DPP10: variants seen among roughly 807,000 people sequenced by gnomAD.
DPP10 encodes the protein dipeptidyl peptidase like 10.
Under a neutral mutation model 120.9 loss-of-function variants are expected in DPP10, and 33 were observed. The ratio of observed to expected loss-of-function variants is 0.27; its 90% CI spans 0.21 to 0.37. The LOEUF is 0.37. DPP10 is among the 10% of genes least tolerant of loss of function. The probability of loss-of-function intolerance (pLI) is 1.00; values close to 1 mark genes in which losing one functional copy is unlikely to be tolerated. For synonymous variants in DPP10, 337 were observed against 326.1 expected, an observed-to-expected ratio of 1.03 and a Z score of -0.36; for missense variants, 816 against 942.8, an observed-to-expected ratio of 0.87 and a Z score of 1.76.
intron 1 of DPP10, among the ~76,000 whole-genome samples, chr2:115,305,904 G>A (rs978847509): frequency 6.6e-6 from 1 of 151,996 alleles, no homozygotes; most frequent in African/African-American, 2.4e-5. Flanking sequence ...CGATGATGAT[G>A]TCATTCATTC....
At chr2:115,146,628 A>G (rs2051240674) in intron 1 of DPP10, among the ~76,000 whole-genome samples, 1 of 151,702 alleles carries the variant, frequency 6.6e-6, no homozygotes, top group African/African-American at 2.4e-5. Context: ...AATATCTACT[A>G]TGTATCATTC....
intron 19 of DPP10, among the ~76,000 whole-genome samples, chr2:115,806,329 AT>A (rs1487996927): frequency 6.6e-6 from 1 of 152,164 alleles, no homozygotes; most frequent in Non-Finnish European, 1.5e-5. Flanking sequence ...TCTATGGTTT[AT>A]AATTTCTTTA....
intron 1 of DPP10, among the ~76,000 whole-genome samples, chr2:115,023,106 C>T (rs370022918): frequency 2.6e-5 from 4 of 152,054 alleles, no homozygotes; most frequent in South Asian, 2.1e-4. Flanking sequence ...ACTTCATGAC[C>T]GGGAACTCAA....
intron 1 of DPP10, among the ~76,000 whole-genome samples, chr2:115,194,126 C>A (rs1009908669): frequency 6.6e-6 from 1 of 152,174 alleles, no homozygotes; most frequent in South Asian, 2.1e-4. Flanking sequence ...AATGAAGTTT[C>A]CTCCAAAAGT....
At chr2:114,783,544 T>G (rs1161813986) in intron 1 of DPP10, among the ~76,000 whole-genome samples, 1 of 152,142 alleles carries the variant, frequency 6.6e-6, no homozygotes, top group African/African-American at 2.4e-5. Context: ...TAACTTAAAC[T>G]GTTTCCCATC....
intron 1 of DPP10, among the ~76,000 whole-genome samples, chr2:115,079,622 C>T (rs1057269038): frequency 9.2e-5 from 14 of 152,142 alleles, no homozygotes; most frequent in African/African-American, 2.9e-4. Flanking sequence ...GAGAAGCAGC[C>T]CATGGGACCA....
intron 3 of DPP10, among the ~76,000 whole-genome samples, chr2:115,458,217 G>A (rs2073735990): frequency 2.0e-5 from 3 of 152,094 alleles, no homozygotes; most frequent in African/African-American, 7.2e-5. Flanking sequence ...GGAGTAATCA[G>A]AGCCATTTCC....
intron 1 of DPP10, among the ~76,000 whole-genome samples, chr2:114,542,000 G>A (rs1179154164): frequency 3.4e-5 from 5 of 147,534 alleles, no homozygotes; most frequent in African/African-American, 5.0e-5. Flanking sequence ...TAAAAAACCA[G>A]TTTCTGCTTG....
rs1197754189 is a variant in DPP10, at chr2:114,797,062, A to G, written c.60+354224A>G. Among the ~76,000 whole-genome samples, 3 of 152,218 alleles carry G rather than the reference A, an allele frequency of 2.0e-5. No individual in the cohort carries two copies. In the East Asian group the frequency reaches 5.8e-4, roughly 29 times the overall value. The stretch of plus-strand genomic sequence containing the variant: ...AGAATGAGAAACAAAAAGCAAGTCA[A>G]GATTAGTTTTCTATGACCTCACCAT... On this transcript the variant is annotated intron_variant, in intron 1 of 25. Coordinates refer to ENST00000410059, the MANE Select transcript of DPP10 (RefSeq NM_020868.6).
At chr2:115,777,712 A>G in intron 14 of DPP10, 75 bp from the exon 15 acceptor site, 1 of 1,472,556 alleles carries the variant, frequency 6.8e-7, no homozygotes, top group Non-Finnish European at 9.4e-7. Flanking sequence ...ATTCAATGTG[A>G]CAATGTGACA....
chr2:115,726,136 C>CTTTT (rs1359716529), intron 7 of DPP10, among the ~76,000 whole-genome samples: 2 of 152,142 alleles, frequency 1.3e-5, no homozygotes, highest in Non-Finnish European at 2.9e-5. Flanking sequence ...TCCTCCATGT[C>CTTTT]CCTTGCCTTC....
chr2:115,156,224 A>G (rs2051901522), intron 1 of DPP10, among the ~76,000 whole-genome samples: 1 of 152,202 alleles, frequency 6.6e-6, no homozygotes, highest in Non-Finnish European at 1.5e-5. Context: ...TATTTGTATA[A>G]TCACCTGACT....
chr2:114,985,758 C>G (rs1700355565), intron 1 of DPP10, among the ~76,000 whole-genome samples: 1 of 152,202 alleles, frequency 6.6e-6, no homozygotes, highest in Admixed American at 6.5e-5. Flanking sequence ...AAAAGATTGA[C>G]TGTTCCCTGT....
chr2:114,500,721 T>C (rs943526222), intron 1 of DPP10, among the ~76,000 whole-genome samples: 3 of 152,260 alleles, frequency 2.0e-5, no homozygotes, highest in East Asian at 3.9e-4. Flanking sequence ...AAGGCAAGAC[T>C]GAAAGGAAAA....
chr2:115,245,129 A>G (rs1244803600), intron 1 of DPP10, among the ~76,000 whole-genome samples: 6 of 152,084 alleles, frequency 3.9e-5, no homozygotes, highest in African/African-American at 1.4e-4. Context: ...TTCACTTAAA[A>G]TAATGATCTC....
chr2:114,654,704 A>G (rs1397939979), intron 1 of DPP10, among the ~76,000 whole-genome samples: 1 of 152,042 alleles, frequency 6.6e-6, no homozygotes, highest in Non-Finnish European at 1.5e-5. Context: ...TTATTGCTGC[A>G]TTGTCAGGAA....
chr2:114,446,384 G>T (rs1247493400), intron 1 of DPP10, among the ~76,000 whole-genome samples: 1 of 152,088 alleles, frequency 6.6e-6, no homozygotes, highest in African/African-American at 2.4e-5. Context: ...CCTTTTTGAA[G>T]TTATAAATTG....
intron 4 of DPP10, among the ~76,000 whole-genome samples, chr2:115,517,601 T>A (rs930946488): frequency 6.6e-6 from 1 of 152,192 alleles, no homozygotes; most frequent in Admixed American, 6.5e-5. Flanking sequence ...CTTGGTTATA[T>A]GATATGCCAT....
intron 19 of DPP10, among the ~76,000 whole-genome samples, chr2:115,807,787 TC>T (rs1686173368): frequency 8.9e-6 from 1 of 112,574 alleles, no homozygotes. Context: ...AACTTGGAGA[TC>T]AAGAAAAAAA....
Sources: gnomAD v4.1 joint callset for allele counts (sites outside exome capture counted in the v4.1 genomes callset) on GRCh38, gnomAD v4.1.1 for gene constraint, MANE v1.5 for transcripts, NCBI Gene and HGNC (gene_info 2026-07-23, HGNC 2026-07-21) for gene names.